The following STAT3 variants were observed in gnomAD, a reference collection of about 807,000 sequenced individuals.
STAT3 encodes the protein signal transducer and activator of transcription 3.
In STAT3, 7 loss-of-function variants were observed where a neutral mutation model predicts 114.3. That is an observed-to-expected ratio of 0.06 (90% CI 0.03 to 0.11). The LOEUF is 0.11. STAT3 is among the 10% of genes least tolerant of loss of function. STAT3 has a pLI of 1.00. For missense variants in STAT3, 364 were observed against 960.9 expected, an observed-to-expected ratio of 0.38 and a Z score of 8.21; for synonymous variants, 331 against 354.5, an observed-to-expected ratio of 0.93 and a Z score of 0.74.
Position 42,337,772 on chromosome 17 carries a change from C to T in STAT3, c.636G>A (p.Gln212=). 1 of 1,614,252 alleles carries T rather than the reference C, an allele frequency of 6.2e-7. No individual in the cohort carries two copies. Among genetic ancestry groups the T allele is most frequent in the Non-Finnish European group, 8.5e-7 (1 of 1,180,056 alleles). Residue 212 remains glutamine, a synonymous_variant, in exon 7 of 24, where the codon CAG becomes CAA. Transcript: ENST00000264657. The surrounding 1 kb of genome is among the most constrained non-coding windows in gnomAD (Gnocchi z 4.0). ...CGACCTATGCCCTTACTCTCCGCAT[C>T]TGGTCCAGCGCAGTGAGCATCTGTT... ...QLEQMLTALD[Q]MRRSIVSELA...
intron 1 of STAT3, among the ~76,000 whole-genome samples, chr17:42,365,936 G>A (rs919829815): frequency 3.9e-5 from 6 of 152,124 alleles, no homozygotes; most frequent in Non-Finnish European, 8.8e-5. Context: ...TTACAGGCAT[G>A]AGCCACCGTG....
chr17:42,316,148 C>T (rs2081240076), intron 23 of STAT3: 1 of 1,171,386 alleles, frequency 8.5e-7, no homozygotes, highest in Non-Finnish European at 1.1e-6. Flanking sequence ...CCAAACTGAG[C>T]TGTGCTGTGG....
rs1184126577 is a variant in STAT3 at position 42,345,439 on chromosome 17, T to C, written c.372+120A>G. Reference sequence around the variant, plus strand: ...GAGTTTTTCAATGTATTTTTATGATTATTGATCTATTTAATTTCTTTTCCT... The same window carrying C: ...GAGTTTTTCAATGTATTTTTATGATCATTGATCTATTTAATTTCTTTTCCT... On this transcript the variant is annotated intron_variant, in intron 4 of 23. Coordinates refer to ENST00000264657, the MANE Select transcript of STAT3 (RefSeq NM_139276.3). 1.2e-5 allele frequency: 10 copies of C among 846,918 alleles called. No homozygotes were observed. The East Asian group carries it at 2.7e-4, about 22-fold the overall frequency. 52.5% of individuals were successfully genotyped at this position (846,918 alleles called of 1,614,324 possible).
At chr17:42,374,394 G>C (rs1055376913) in intron 1 of STAT3, among the ~76,000 whole-genome samples, 1 of 152,042 alleles carries the variant, frequency 6.6e-6, no homozygotes, top group African/African-American at 2.4e-5. Flanking sequence ...GATCACCTGA[G>C]GTCAGGAGTT....
intron 4 of STAT3, 125 bp from the exon 5 acceptor site, chr17:42,339,534 G>A (rs746562580): frequency 2.4e-5 from 22 of 903,280 alleles, no homozygotes; most frequent in Non-Finnish European, 3.9e-5. Flanking sequence ...GCCATCACAA[G>A]AGGAAGGGAA....
At chr17:42,361,166 C>A (rs1164113334) in intron 1 of STAT3, among the ~76,000 whole-genome samples, 1 of 152,134 alleles carries the variant, frequency 6.6e-6, no homozygotes, top group East Asian at 1.9e-4. Flanking sequence ...GAACCTCTGA[C>A]AGTGGGACCA....
At chr17:42,370,686 G>A (rs1197518525) in intron 1 of STAT3, among the ~76,000 whole-genome samples, 1 of 151,438 alleles carries the variant, frequency 6.6e-6, no homozygotes, top group African/African-American at 2.4e-5. Flanking sequence ...GAAGTGCAGT[G>A]GCGCGATCTC....
intron 1 of STAT3, among the ~76,000 whole-genome samples, chr17:42,378,855 C>T (rs572680468): frequency 6.6e-5 from 10 of 152,156 alleles, no homozygotes; most frequent in African/African-American, 2.4e-4. Context: ...TAGATTCTGT[C>T]AGAAAAAGTG....
intron 1 of STAT3, among the ~76,000 whole-genome samples, chr17:42,354,568 G>A (rs2083135401): frequency 6.6e-6 from 1 of 151,134 alleles, no homozygotes; most frequent in Non-Finnish European, 1.5e-5. Context: ...CAGCACTTTG[G>A]GAGGCTGAGG....
chr17:42,379,847 C>T (rs937096682), intron 1 of STAT3, among the ~76,000 whole-genome samples: 1 of 152,108 alleles, frequency 6.6e-6, no homozygotes, highest in East Asian at 1.9e-4. Context: ...ATATGACAGC[C>T]TCAATTTCCT....
chr17:42,354,503 T>G (rs1328577524), intron 1 of STAT3, among the ~76,000 whole-genome samples: 1 of 151,160 alleles, frequency 6.6e-6, no homozygotes, highest in African/African-American at 2.4e-5. Context: ...AGCTAGTAGT[T>G]TTTTCCATAA....
chr17:42,348,435 T>C lies in STAT3; in HGVS notation c.82A>G (p.Met28Val), dbSNP rs2145013673. Residue 28 changes from methionine to valine, a missense_variant, in exon 2 of 24, where the codon ATG becomes GTG. Around this residue, in one of 5 missense-constraint regions of STAT3, gnomAD observed 294 missense variants for 745.1 expected, o/e 0.39. Coordinates refer to ENST00000264657, the MANE Select transcript of STAT3 (RefSeq NM_139276.3). ...LHQLYSDSFPMELRQFLAPWI... is the reference protein window; with the variant it reads ...LHQLYSDSFPVELRQFLAPWI... ...GGGGCCAGAAACTGCCGCAGCTCCA[T>C]TGGGAAGCTGTCACTGTAGAGCTGA... 6.2e-7 allele frequency: 1 copy of C among 1,614,104 alleles called. No homozygotes were observed. Among genetic ancestry groups the C allele is most frequent in the Non-Finnish European group, 8.5e-7 (1 of 1,180,010 alleles).
rs865978183 is a variant in STAT3 at position 42,368,615 on chromosome 17, A to G, written c.-24+19664T>C. Among the ~76,000 whole-genome samples, 76 of 152,012 alleles carry G rather than the reference A, an allele frequency of 5.0e-4. No homozygotes were observed. The Middle Eastern group carries it at 0.014, about 28-fold the overall frequency. ...GCTGGGACTGCAGGCATGCACCACC[A>G]CACCTGGCTAATTTTTGAATTTTTA... On this transcript the variant is annotated intron_variant, in intron 1 of 23. Transcript: ENST00000264657.
chr17:42,342,354 A>T (rs188448207), intron 4 of STAT3, among the ~76,000 whole-genome samples: 36 of 152,202 alleles, frequency 2.4e-4, no homozygotes, highest in Non-Finnish European at 2.9e-5. Context: ...GTGGTGGCTC[A>T]TGCCTGTAAT....
intron 4 of STAT3, among the ~76,000 whole-genome samples, chr17:42,340,282 G>A (rs1226713175): frequency 1.3e-5 from 2 of 151,518 alleles, no homozygotes; most frequent in East Asian, 1.9e-4. Flanking sequence ...CCTGAACCCG[G>A]GAGGTGGAGG....
rs1434508482 is a variant in STAT3, at chr17:42,345,892, G to A, written c.274-235C>T. Among the ~76,000 whole-genome samples the A allele has an allele frequency of 4.9e-5, 3 of 61,786 alleles. No individual in the cohort carries two copies. In the South Asian group the frequency reaches 1.6e-3, roughly 34 times the overall value. The allele number at this position is 61,786 out of a possible 152,430, so 40.5% of individuals were successfully genotyped here. A position where few individuals can be genotyped will look rare whatever the true frequency, so the allele number is the denominator to read the frequency against. ...GCCTGAGTCTTTTTTTTTTTTTTTTGAGACTGGCTCTCACTCTGTCCGCCA... is the reference window on the plus strand; with the variant it reads ...GCCTGAGTCTTTTTTTTTTTTTTTTAAGACTGGCTCTCACTCTGTCCGCCA... On this transcript the variant is annotated intron_variant, in intron 3 of 23. Coordinates refer to ENST00000264657, the MANE Select transcript of STAT3 (RefSeq NM_139276.3).
intron 23 of STAT3, 128 bp downstream of exon 23, chr17:42,316,661 T>C (rs1388455438): frequency 5.8e-6 from 9 of 1,545,248 alleles, no homozygotes; most frequent in Non-Finnish European, 7.8e-6. Flanking sequence ...ACCATCTCTT[T>C]TGGAAAGCAA....
Position 42,313,327 on chromosome 17 carries a change from G to A in STAT3, c.*2418C>T, listed in dbSNP as rs944126170. On this transcript the variant is annotated 3_prime_UTR_variant, in exon 24 of 24. Coordinates refer to ENST00000264657, the MANE Select transcript of STAT3 (RefSeq NM_139276.3). Reference sequence around the variant, plus strand: ...AAACAGAGCTGCCATGCTATCAGACGGTTCCTATATAACGTTTATTTCTGG... The same window carrying A: ...AAACAGAGCTGCCATGCTATCAGACAGTTCCTATATAACGTTTATTTCTGG... 1.1e-5 allele frequency: 2 copies of A among 185,042 alleles called. No homozygotes were observed. Among genetic ancestry groups the A allele is most frequent in the African/African-American group, 2.4e-5 (1 of 41,156 alleles). The allele number at this position is 185,042 out of a possible 1,614,324, so 11.5% of individuals were successfully genotyped here.
At chr17:42,326,971 G>A (rs1484941109) in intron 14 of STAT3, among the ~76,000 whole-genome samples, 2 of 152,124 alleles carry the variant, frequency 1.3e-5, no homozygotes, top group African/African-American at 4.8e-5. Context: ...CAAACTGCCA[G>A]GGACACAACT....
Sources: gnomAD v4.1 joint callset for allele counts (sites outside exome capture counted in the v4.1 genomes callset) on GRCh38, gnomAD v4.1.1 for gene constraint, gnomAD v4.1.1 regional missense constraint, Gnocchi (gnomAD v3.1) non-coding constraint, MANE v1.5 for transcripts, NCBI Gene and HGNC (gene_info 2026-07-23, HGNC 2026-07-21) for gene names.